The following SORCS3 variants were observed in gnomAD, a reference collection of about 807,000 sequenced individuals.
SORCS3 encodes the protein VPS10 domain-containing receptor SorCS3.
In SORCS3, 57 loss-of-function variants were observed where a neutral mutation model predicts 146.3. The ratio of observed to expected loss-of-function variants is 0.39; its 90% CI spans 0.31 to 0.49. The LOEUF (loss-of-function observed/expected upper bound fraction) is 0.49. Ranked by LOEUF, SORCS3 falls within the 20% of genes least tolerant of loss-of-function variation. SORCS3 has a pLI of 0.92. For missense variants in SORCS3, 1,341 were observed against 1,575.5 expected, an observed-to-expected ratio of 0.85 and a Z score of 2.52; for synonymous variants, 653 against 618.5, an observed-to-expected ratio of 1.06 and a Z score of -0.83.
intron 1 of SORCS3, among the ~76,000 whole-genome samples, chr10:104,753,924 T>C (rs970864968): frequency 6.6e-6 from 1 of 152,224 alleles, no homozygotes; most frequent in African/African-American, 2.4e-5. Flanking sequence ...ATTTTCCTAG[T>C]TGAGAATGTA....
At chr10:104,905,375 C>T (rs190326784) in intron 2 of SORCS3, among the ~76,000 whole-genome samples, 4 of 151,598 alleles carry the variant, frequency 2.6e-5, no homozygotes, top group Admixed American at 6.6e-5. Flanking sequence ...TGTTGGAAGA[C>T]TTTAGCCCTC....
chr10:104,836,337 A>G (rs2451483), intron 1 of SORCS3, among the ~76,000 whole-genome samples: 1 of 152,044 alleles, frequency 6.6e-6, no homozygotes, highest in Admixed American at 6.6e-5. Context: ...AGCAACCATT[A>G]AAAAAATCAC....
At chr10:105,254,853 A>ATC (rs2056920847) in intron 23 of SORCS3, among the ~76,000 whole-genome samples, 1 of 152,102 alleles carries the variant, frequency 6.6e-6, no homozygotes, top group African/African-American at 2.4e-5. Context: ...TCCTGTGAAT[A>ATC]CTGTATTTTC....
intron 19 of SORCS3, among the ~76,000 whole-genome samples, chr10:105,219,410 A>C (rs537723022): frequency 6.6e-6 from 1 of 152,330 alleles, no homozygotes; most frequent in South Asian, 2.1e-4. Context: ...CCAGTCATGT[A>C]GGTACCTTCT....
At chr10:104,695,795 A>G (rs1040766506) in intron 1 of SORCS3, among the ~76,000 whole-genome samples, 1 of 151,522 alleles carries the variant, frequency 6.6e-6, no homozygotes, top group African/African-American at 2.4e-5. Flanking sequence ...CATCCTTTTT[A>G]ATATTTGTGC....
At chr10:105,174,192 G>A (rs1258050219) in intron 13 of SORCS3, among the ~76,000 whole-genome samples, 2 of 152,076 alleles carry the variant, frequency 1.3e-5, no homozygotes, top group Non-Finnish European at 2.9e-5. Flanking sequence ...CTTTGATTCT[G>A]TAGTCCTATG....
chr10:104,868,690 A>C (rs142901598), intron 2 of SORCS3, among the ~76,000 whole-genome samples: 12 of 152,312 alleles, frequency 7.9e-5, no homozygotes, highest in African/African-American at 2.6e-4. Flanking sequence ...CCTTCAGGGC[A>C]CACATAGACA....
chr10:105,223,301 T>C (rs1313855878), intron 20 of SORCS3, 52 bp downstream of exon 20: 2 of 1,516,838 alleles, frequency 1.3e-6, no homozygotes, highest in Non-Finnish European at 1.8e-6. Flanking sequence ...AATGCTCCTA[T>C]GTTCCAGCTT....
intron 4 of SORCS3, among the ~76,000 whole-genome samples, chr10:105,036,038 C>T (rs2055304200): frequency 6.6e-6 from 1 of 152,122 alleles, no homozygotes; most frequent in Non-Finnish European, 1.5e-5. Context: ...TCCTTTTCCA[C>T]TTCTGCTCTT....
chr10:105,247,616 C>T (rs1308385477), intron 22 of SORCS3, among the ~76,000 whole-genome samples: 2 of 152,122 alleles, frequency 1.3e-5, no homozygotes, highest in Non-Finnish European at 2.9e-5. Flanking sequence ...CATGTGGTGG[C>T]GCACACCTGT....
At chr10:105,142,647 T>G (rs1277523073) in intron 8 of SORCS3, among the ~76,000 whole-genome samples, 3 of 152,144 alleles carry the variant, frequency 2.0e-5, no homozygotes, top group African/African-American at 4.8e-5. Flanking sequence ...AATTTCCTGT[T>G]CAATTGCTCG....
In SORCS3 at chr10:105,158,902, C is replaced by T; in HGVS notation, c.1640C>T (p.Ser547Phe). 1 of 1,611,972 alleles carries T rather than the reference C, an allele frequency of 6.2e-7. No individual in the cohort carries two copies. Among genetic ancestry groups the T allele is most frequent in the Non-Finnish European group, 8.5e-7 (1 of 1,178,392 alleles). ...CTTTCTCCATTTTAGCCCTTCTGTT[C>T]CTTACATCTGCACCTGCAACTCTCT... is the stretch of plus-strand genomic sequence containing the variant. Reference protein sequence around the residue: ...SPVHCLLPFCSLHLHLQLSEN... With the variant: ...SPVHCLLPFCFLHLHLQLSEN... Residue 547 changes from serine to phenylalanine, a missense_variant, in exon 11 of 27, where the codon TCC (serine) becomes TTC (phenylalanine). Physicochemically the swap from Ser to Phe is radical, Grantham distance 155. Transcript: ENST00000369701.
intron 2 of SORCS3, among the ~76,000 whole-genome samples, chr10:104,858,831 C>T (rs2018365723): frequency 6.6e-6 from 1 of 151,002 alleles, no homozygotes; most frequent in South Asian, 2.1e-4. Flanking sequence ...CCATGTTAGC[C>T]AGGATGGTCT....
intron 1 of SORCS3, among the ~76,000 whole-genome samples, chr10:104,769,774 C>T (rs2017225688): frequency 6.6e-6 from 1 of 152,114 alleles, no homozygotes; most frequent in African/African-American, 2.4e-5. Context: ...TCTGTGTGTG[C>T]GACCTTGAAT....
intron 1 of SORCS3, among the ~76,000 whole-genome samples, chr10:104,742,486 G>A (rs986845957): frequency 6.6e-6 from 1 of 152,158 alleles, no homozygotes; most frequent in Non-Finnish European, 1.5e-5. Flanking sequence ...AGGAGCTTGG[G>A]TAGAGGAGGA....
intron 1 of SORCS3, among the ~76,000 whole-genome samples, chr10:104,828,794 G>A (rs1218793961): frequency 2.6e-5 from 4 of 152,038 alleles, no homozygotes; most frequent in East Asian, 1.9e-4. Flanking sequence ...GTCTGATTTC[G>A]GGAGATTGCT....
At chr10:105,137,131 G>A (rs2056064218) in intron 7 of SORCS3, among the ~76,000 whole-genome samples, 1 of 152,092 alleles carries the variant, frequency 6.6e-6, no homozygotes, top group Non-Finnish European at 1.5e-5. Context: ...CTATCATTTT[G>A]TTCCCTGTTG....
chr10:105,131,178 C>T (rs1024405700), intron 7 of SORCS3, among the ~76,000 whole-genome samples: 2 of 152,056 alleles, frequency 1.3e-5, no homozygotes, highest in Non-Finnish European at 2.9e-5. Flanking sequence ...CCCAAAAAGT[C>T]AAGATTTATT....
At chr10:104,786,163 T>G (rs936652398) in intron 1 of SORCS3, among the ~76,000 whole-genome samples, 1 of 152,142 alleles carries the variant, frequency 6.6e-6, no homozygotes, top group African/African-American at 2.4e-5. Flanking sequence ...TAGCGCTTAT[T>G]TAGTTTCTAT....
Sources: gnomAD v4.1 joint callset for allele counts (sites outside exome capture counted in the v4.1 genomes callset) on GRCh38, gnomAD v4.1.1 for gene constraint, MANE v1.5 for transcripts, NCBI Gene and HGNC (gene_info 2026-07-23, HGNC 2026-07-21) for gene names.